The following ITGAV variants were observed in gnomAD, a reference collection of about 807,000 sequenced individuals.
ITGAV encodes the protein integrin subunit alpha V.
In ITGAV, 76 loss-of-function variants were observed where a neutral mutation model predicts 143.8. That is an observed-to-expected ratio of 0.53 (90% CI 0.44 to 0.64). The LOEUF (loss-of-function observed/expected upper bound fraction) is 0.64, where lower values mean the gene tolerates loss of function less well. Ranked by LOEUF, ITGAV falls within the 30% of genes least tolerant of loss-of-function variation. The pLI, the probability that ITGAV is intolerant of heterozygous loss-of-function variation, is 0.00. For synonymous variants in ITGAV, 453 were observed against 446.7 expected, an observed-to-expected ratio of 1.01 and a Z score of -0.18; for missense variants, 1,193 against 1,274.7, an observed-to-expected ratio of 0.94 and a Z score of 0.98.
At chr2:186,646,951 G>C (rs985609336) in intron 13 of ITGAV, 74 bp downstream of exon 13, 7 of 965,740 alleles carry the variant, frequency 7.2e-6, no homozygotes, top group Non-Finnish European at 1.0e-5. Context: ...TACTGTTCTT[G>C]ATTTATGTTA....
In ITGAV at chr2:186,649,895, T is replaced by TGAAAAAA; in HGVS notation, c.1397+10_1397+11insGAAAAAA. 1 of 1,449,750 alleles carries TGAAAAAA rather than the reference T, an allele frequency of 6.9e-7. No individual in the cohort carries two copies. The highest frequency in any genetic ancestry group is 9.2e-7 in the Non-Finnish European group (1 of 1,086,480). 89.8% of individuals were successfully genotyped at this position (1,449,750 alleles called of 1,614,324 possible). On this transcript the variant is annotated intron_variant, in intron 14 of 29. Transcript: ENST00000261023. ...GAGCTATCTTATACAGGTGAGCATT[T>TGAAAAAA]TCTGTATCCTGCGGTATAGGAATAT...
At chr2:186,590,936 T>G (rs897052954) in intron 1 of ITGAV, among the ~76,000 whole-genome samples, 2 of 151,986 alleles carry the variant, frequency 1.3e-5, no homozygotes, top group Admixed American at 6.6e-5. Flanking sequence ...TTTTTCTGCT[T>G]TACAGGCTTA....
At chr2:186,591,554 T>G (rs1233745379) in intron 1 of ITGAV, among the ~76,000 whole-genome samples, 3 of 152,220 alleles carry the variant, frequency 2.0e-5, no homozygotes, top group Admixed American at 2.0e-4. Flanking sequence ...AAGATATCCC[T>G]TCGGGGTGAA....
intron 3 of ITGAV, among the ~76,000 whole-genome samples, chr2:186,623,466 C>A (rs1417361048): frequency 6.6e-6 from 1 of 152,010 alleles, no homozygotes. Context: ...CTGCTCTTAA[C>A]GTTCAGTTTC....
intron 11 of ITGAV, 115 bp downstream of exon 11, chr2:186,641,082 G>T: frequency 1.2e-6 from 1 of 851,908 alleles, no homozygotes; most frequent in East Asian, 2.7e-5. Context: ...TAATCTTTCT[G>T]TTTAAGGAAA....
intron 24 of ITGAV, 74 bp downstream of exon 24, chr2:186,667,850 AAAAAAAATTCT>A: frequency 1.2e-6 from 1 of 805,328 alleles, no homozygotes; most frequent in Non-Finnish European, 1.9e-6. Flanking sequence ...GCTACTTTAA[AAAAAAAATTCT>A]ATGTAATTTT....
At chr2:186,632,141 C>G (rs1687830020) in intron 5 of ITGAV, among the ~76,000 whole-genome samples, 1 of 151,966 alleles carries the variant, frequency 6.6e-6, no homozygotes, top group Non-Finnish European at 1.5e-5. Context: ...GTTTTTAATA[C>G]TCTAAATTTC....
rs1431094536 is a variant in ITGAV, at chr2:186,659,075, C to G, written c.1757C>G (p.Thr586Ser). 23 of 1,610,274 alleles carry G rather than the reference C, an allele frequency of 1.4e-5. No individual in the cohort carries two copies. Among genetic ancestry groups the G allele is most frequent in the Middle Eastern group, 1.7e-4 (1 of 6,044 alleles). ...SEFRDKLTPI[T>S]IFMEYRLDYR... ...TTTAGAGACAAACTCACTCCAATTA[C>G]TATTTTTATGGAATATCGGTTGGAT... is the stretch of plus-strand genomic sequence containing the variant. Residue 586 changes from threonine to serine, a missense_variant, in exon 18 of 30, where the codon ACT (threonine) becomes AGT (serine). Coordinates refer to ENST00000261023, the MANE Select transcript of ITGAV (RefSeq NM_002210.5).
chr2:186,598,913 A>G (rs1029494247), intron 1 of ITGAV, among the ~76,000 whole-genome samples: 1 of 152,046 alleles, frequency 6.6e-6, no homozygotes, highest in African/African-American at 2.4e-5. Flanking sequence ...GAATTTGTGG[A>G]TTTTTAAGAT....
intron 18 of ITGAV, among the ~76,000 whole-genome samples, chr2:186,663,148 T>C (rs954008688): frequency 1.3e-5 from 2 of 152,172 alleles, no homozygotes; most frequent in Non-Finnish European, 2.9e-5. Flanking sequence ...GTCTTTGTTT[T>C]TTTCACCTAC....
At chr2:186,639,384 C>T (rs879932473) in intron 10 of ITGAV, among the ~76,000 whole-genome samples, 1 of 152,274 alleles carries the variant, frequency 6.6e-6, no homozygotes, top group East Asian at 1.9e-4. Context: ...CCCCAGAAAC[C>T]TCCTCCCATT....
At chr2:186,599,811 G>T (rs909176266) in intron 1 of ITGAV, among the ~76,000 whole-genome samples, 1 of 152,154 alleles carries the variant, frequency 6.6e-6, no homozygotes, top group Non-Finnish European at 1.5e-5. Flanking sequence ...GGAAATCTAG[G>T]TGGCATTCTT....
At chr2:186,660,451 C>T (rs1688714759) in intron 18 of ITGAV, 1 of 152,078 alleles carries the variant, frequency 6.6e-6, no homozygotes, top group Non-Finnish European at 1.5e-5. Flanking sequence ...TTTCTGCGTT[C>T]TTAGCTTTGT....
chr2:186,630,822 A>G lies in ITGAV; in HGVS notation c.549A>G (p.Gly183=), dbSNP rs1687797039. The G allele has an allele frequency of 1.3e-6, 2 of 1,587,970 alleles. No individual in the cohort carries two copies. Among genetic ancestry groups the G allele is most frequent in the South Asian group, 2.2e-5 (2 of 89,772 alleles). Residue 183 remains glycine (G), a synonymous_variant, in exon 5 of 30, where the codon GGA becomes GGG. Coordinates refer to ENST00000261023, the MANE Select transcript of ITGAV (RefSeq NM_002210.5). ...RSQDIDADGQ[G]FCQGGFSIDF... is the part of the protein sequence containing the mutation. ...AAGATATTGATGCTGATGGACAGGG[A>G]TTTTGTCAAGGAGGATTCAGCATTG...
intron 6 of ITGAV, 73 bp from the exon 7 acceptor site, chr2:186,636,009 G>A: frequency 2.3e-6 from 3 of 1,285,824 alleles, no homozygotes; most frequent in Non-Finnish European, 3.3e-6. Context: ...CCTTCATGCA[G>A]GTACCATACA....
chr2:186,600,238 C>A (rs886350746), intron 1 of ITGAV: 9 of 1,117,684 alleles, frequency 8.1e-6, no homozygotes, highest in African/African-American at 1.6e-5. Context: ...TTCTTTCTTG[C>A]CAGGGTCTTT....
chr2:186,653,302 CAATATA>C (rs1378770532), intron 15 of ITGAV, among the ~76,000 whole-genome samples: 3 of 152,010 alleles, frequency 2.0e-5, no homozygotes, highest in Non-Finnish European at 4.4e-5. Context: ...TCATACATAT[CAATATA>C]AATATAAAAC....
chr2:186,649,883 C>CA lies in ITGAV; in HGVS notation c.1396dup (p.Arg466LysfsTer13). On this transcript the variant is annotated frameshift_variant and splice_region_variant, in exon 14 of 30. Coordinates refer to ENST00000261023, the MANE Select transcript of ITGAV (RefSeq NM_002210.5). LOFTEE classifies it high-confidence loss of function. Reference sequence around the variant, plus strand: ...TTGGTGTAGATCGAGCTATCTTATACAGGTGAGCATTTTCTGTATCCTGCG... The same window carrying CA: ...TTGGTGTAGATCGAGCTATCTTATACAAGGTGAGCATTTTCTGTATCCTGCG... The CA allele has an allele frequency of 7.1e-7, 1 of 1,404,480 alleles. No homozygotes were observed. Among genetic ancestry groups the CA allele is most frequent in the Non-Finnish European group, 9.3e-7 (1 of 1,071,920 alleles). The allele number at this position is 1,404,480 out of a possible 1,614,324, so 87.0% of individuals were successfully genotyped here. A position where few individuals can be genotyped will look rare whatever the true frequency, so the allele number is the denominator to read the frequency against.
intron 12 of ITGAV, among the ~76,000 whole-genome samples, chr2:186,644,278 G>A (rs924183004): frequency 1.7e-4 from 26 of 151,752 alleles, no homozygotes; most frequent in African/African-American, 6.3e-4. Context: ...GCATATGTCA[G>A]TAGAGAAGTT....
Sources: allele counts gnomAD v4.1 joint callset (sites outside exome capture counted in the v4.1 genomes callset), GRCh38; gene constraint gnomAD v4.1.1; transcripts MANE v1.5; gene names NCBI Gene and HGNC (gene_info 2026-07-23, HGNC 2026-07-21).